WFDC10B: variants seen among roughly 807,000 people sequenced by gnomAD.
The protein encoded by WFDC10B is WAP four-disulfide core domain 10B, also known as protein WFDC10B.
A neutral mutation model predicts 2.7 loss-of-function variants in WFDC10B; 1 was observed. That is an observed-to-expected ratio of 0.38 (90% CI 0.13 to 1.79). WFDC10B has a LOEUF of 1.79. Among genes scored for constraint, WFDC10B ranks in the 40% most tolerant of loss-of-function variants. WFDC10B has a pLI of 0.33. For synonymous variants in WFDC10B, 26 were observed against 32.2 expected (o/e 0.81, Z 0.65); for missense variants, 71 against 87.8 (o/e 0.81, Z 0.76).
chr20:45,695,322 T>C (rs901118652), intron 2 of WFDC10B, among the ~76,000 whole-genome samples: 5 of 152,152 alleles, frequency 3.3e-5, no homozygotes, highest in Admixed American at 1.3e-4. Context: ...GATAGGAGAA[T>C]TGGTTGTTGG....
intron 2 of WFDC10B, among the ~76,000 whole-genome samples, chr20:45,692,554 T>C (rs1281610666): frequency 6.6e-6 from 1 of 152,220 alleles, no homozygotes; most frequent in South Asian, 2.1e-4. Context: ...CCTTTTTCTC[T>C]AAACTTCCCT....
chr20:45,691,481 T>C (rs1252906297), intron 2 of WFDC10B, among the ~76,000 whole-genome samples: 1 of 150,666 alleles, frequency 6.6e-6, no homozygotes, highest in Non-Finnish European at 1.5e-5. Context: ...TAAGTCTCTT[T>C]GTAGGTCACT....
intron 2 of WFDC10B, among the ~76,000 whole-genome samples, chr20:45,697,839 G>A (rs1441904864): frequency 6.6e-6 from 1 of 151,198 alleles, no homozygotes; most frequent in Non-Finnish European, 1.5e-5. Flanking sequence ...CGCCTCCCAG[G>A]TTCAAGCAAT....
At position 45,684,796 on chromosome 20, in the gene WFDC10B, G is replaced by T; in HGVS notation, c.*34C>A. ...CACAGTCTCGGATGGAAGGGTTCAG[G>T]GAGCAGGATGCACATCCCAGCCCAC... On this transcript the variant is annotated 3_prime_UTR_variant, in exon 4 of 4. Transcript: ENST00000330523. 6.2e-7 allele frequency: 1 copy of T among 1,609,634 alleles called. No homozygotes were observed. The highest frequency in any genetic ancestry group is 1.1e-5 in the South Asian group (1 of 90,464).
At chr20:45,698,991 G>A (rs1164370661) in intron 2 of WFDC10B, among the ~76,000 whole-genome samples, 1 of 145,730 alleles carries the variant, frequency 6.9e-6, no homozygotes, top group Non-Finnish European at 1.5e-5. Context: ...GAAGAAGGAG[G>A]AGAAGGAGGG....
chr20:45,701,893 G>A (rs1475216684), intron 2 of WFDC10B: 4 of 500,214 alleles, frequency 8.0e-6, no homozygotes, highest in East Asian at 6.5e-5. Flanking sequence ...AGATAGCAAG[G>A]TCAAGATTAG....
intron 2 of WFDC10B, among the ~76,000 whole-genome samples, chr20:45,691,990 A>G (rs1171455461): frequency 6.6e-6 from 1 of 152,088 alleles, no homozygotes; most frequent in African/African-American, 2.4e-5. Context: ...GTTCCTTTCC[A>G]TGTTTAGTGC....
intron 2 of WFDC10B, among the ~76,000 whole-genome samples, chr20:45,694,053 T>A (rs1983906293): frequency 6.6e-6 from 1 of 152,240 alleles, no homozygotes; most frequent in Admixed American, 6.5e-5. Context: ...GTGGATAGAT[T>A]GCAAACATTT....
intron 2 of WFDC10B, among the ~76,000 whole-genome samples, chr20:45,694,289 A>G (rs983252844): frequency 6.6e-6 from 1 of 152,210 alleles, no homozygotes; most frequent in African/African-American, 2.4e-5. Context: ...CCTTTAATCC[A>G]TCTTGAGTTA....
At chr20:45,704,848 A>C in intron 1 of WFDC10B, 70 bp downstream of exon 1, 1 of 1,514,702 alleles carries the variant, frequency 6.6e-7, no homozygotes, top group Non-Finnish European at 9.2e-7. Flanking sequence ...CTCTGAACAC[A>C]CCCACAAATG....
chr20:45,698,505 G>C (rs937835091), intron 2 of WFDC10B, among the ~76,000 whole-genome samples: 6 of 145,174 alleles, frequency 4.1e-5, no homozygotes, highest in Non-Finnish European at 7.5e-5. Flanking sequence ...TGGAATGGGA[G>C]AAAATATTTG....
At chr20:45,691,390 C>T (rs1259168371) in intron 2 of WFDC10B, among the ~76,000 whole-genome samples, 3 of 150,318 alleles carry the variant, frequency 2.0e-5, no homozygotes, top group African/African-American at 7.4e-5. Flanking sequence ...CCTGGGTATC[C>T]TTGTTGACTT....
rs537574521 is a variant in WFDC10B, at chr20:45,689,742, C to T, written c.-64-3686G>A. On this transcript the variant is annotated intron_variant, in intron 2 of 3. Transcript: ENST00000330523. ...CTTATCAACTTAAGGAGATTTTGGG[C>T]TGAGACAATGGGGTTTTCTAGATAT... is the stretch of plus-strand genomic sequence containing the variant. 1.9e-3 allele frequency among the ~76,000 whole-genome samples: 283 copies of T among 152,304 alleles called. 1 individual carries two copies. The highest frequency in any genetic ancestry group is 6.6e-3 in the African/African-American group (276 of 41,550).
rs755765138 is a variant in WFDC10B, at chr20:45,685,012, C to A, written c.92-52G>T. On this transcript the variant is annotated intron_variant, in intron 3 of 3. Coordinates refer to ENST00000330523, the MANE Select transcript of WFDC10B (RefSeq NM_172006.2). Reference sequence around the variant, plus strand: ...TGAAACCATGCACCTATAGAGCAGCCTTCTCAAGCTTGAAGCTCCTCCATG... The same window carrying A: ...TGAAACCATGCACCTATAGAGCAGCATTCTCAAGCTTGAAGCTCCTCCATG... 3.7e-6 allele frequency: 6 copies of A among 1,606,598 alleles called. No individual in the cohort carries two copies. The East Asian group carries it at 1.1e-4, about 30-fold the overall frequency.
In WFDC10B at chr20:45,701,646, C is replaced by T. The variant is rs1344881333; in HGVS notation, c.-65+2851G>A. On this transcript the variant is annotated intron_variant, in intron 2 of 3. Coordinates refer to ENST00000330523, the MANE Select transcript of WFDC10B (RefSeq NM_172006.2). ...ACATGGTGGTACACGCCTGTAATCC[C>T]AGCAACTCAGGAGTCTGAGACACAA... 6.6e-5 allele frequency among the ~76,000 whole-genome samples: 10 copies of T among 151,422 alleles called. No homozygotes were observed. In the Admixed American group the frequency reaches 6.6e-4, roughly 10 times the overall value.
At chr20:45,688,838 A>G (rs147282660) in intron 2 of WFDC10B, among the ~76,000 whole-genome samples, 28,749 of 151,942 alleles carry the variant, frequency 0.19, 2,958 homozygotes, top group East Asian at 0.32. Flanking sequence ...GAAGCTCTTT[A>G]GTTTAATTAG....
chr20:45,686,646 TG>T (rs1322990995), intron 2 of WFDC10B, among the ~76,000 whole-genome samples: 3 of 151,960 alleles, frequency 2.0e-5, no homozygotes, highest in Non-Finnish European at 2.9e-5. Context: ...TTGCATATAA[TG>T]GATGTGTTCA....
chr20:45,686,157 GCCTTCTCCTGGCCCTGT>G, intron 2 of WFDC10B, 101 bp from the exon 3 acceptor site: 1 of 1,374,886 alleles, frequency 7.3e-7, no homozygotes, highest in Non-Finnish European at 9.6e-7. Flanking sequence ...TCCTGCCCTT[GCCTTCTCCTGGCCCTGT>G]CCTTCTCCAT....
chr20:45,686,670 C>CA (rs1568669420), intron 2 of WFDC10B, among the ~76,000 whole-genome samples: 1 of 143,522 alleles, frequency 7.0e-6, no homozygotes, highest in Non-Finnish European at 1.5e-5. Flanking sequence ...ATAAATTCTT[C>CA]TTTTTTTTTT....
Sources: gnomAD v4.1 joint callset for allele counts (sites outside exome capture counted in the v4.1 genomes callset) on GRCh38, gnomAD v4.1.1 for gene constraint, MANE v1.5 for transcripts, NCBI Gene and HGNC (gene_info 2026-07-23, HGNC 2026-07-21) for gene names.